Variants in AUTS2 observed in about 807,000 individuals in gnomAD.
AUTS2 encodes the protein activator of transcription and developmental regulator AUTS2.
A neutral mutation model predicts 112.4 loss-of-function variants in AUTS2; 17 were observed. The observed-to-expected ratio is 0.15, with a 90% CI of 0.10 to 0.23. AUTS2 has a LOEUF of 0.23. AUTS2 is among the 10% of genes least tolerant of loss of function. The pLI, the probability that AUTS2 is intolerant of heterozygous loss-of-function variation, is 1.00. For synonymous variants in AUTS2, 751 were observed against 702.7 expected, an observed-to-expected ratio of 1.07 and a Z score of -1.09; for missense variants, 1,510 against 1,701.6, an observed-to-expected ratio of 0.89 and a Z score of 1.98.
chr7:70,388,316 G>T (rs1429547329), intron 4 of AUTS2, among the ~76,000 whole-genome samples: 4 of 152,126 alleles, frequency 2.6e-5, no homozygotes, highest in African/African-American at 9.7e-5. Context: ...GTCTTATCCA[G>T]TCCCGCCTTG....
At chr7:70,580,851 C>T (rs1004517377) in intron 5 of AUTS2, among the ~76,000 whole-genome samples, 28 of 152,064 alleles carry the variant, frequency 1.8e-4, no homozygotes, top group Admixed American at 2.6e-4. Flanking sequence ...CCCAGGAGTC[C>T]GCTGAAAATG....
intron 1 of AUTS2, among the ~76,000 whole-genome samples, chr7:69,633,691 G>A (rs548196074): frequency 2.0e-5 from 3 of 152,244 alleles, no homozygotes; most frequent in South Asian, 4.2e-4. Flanking sequence ...GCATTTCCCT[G>A]ATGAGTAATG....
At chr7:70,459,062 C>A in intron 5 of AUTS2, among the ~76,000 whole-genome samples, 1 of 152,134 alleles carries the variant, frequency 6.6e-6, no homozygotes, top group Non-Finnish European at 1.5e-5. Flanking sequence ...TGTGTGGTTT[C>A]CCCGGGAGAG....
intron 1 of AUTS2, among the ~76,000 whole-genome samples, chr7:69,614,368 T>TTTTCTTTCTTTTCTTTC (rs1793239736): frequency 2.0e-3 from 39 of 19,474 alleles, no homozygotes; most frequent in South Asian, 3.5e-3. Context: ...TTCTTTCTTT[T>TTTTCTTTCTTTTCTTTC]TTTAAGAGAT....
intron 2 of AUTS2, among the ~76,000 whole-genome samples, chr7:69,920,313 G>C (rs773505181): frequency 3.6e-4 from 55 of 151,180 alleles, no homozygotes; most frequent in Non-Finnish European, 7.2e-4. Flanking sequence ...TTTTTTTAGA[G>C]AGGGGGTCTT....
At chr7:70,203,799 C>T (rs1326290511) in intron 4 of AUTS2, among the ~76,000 whole-genome samples, 2 of 149,142 alleles carry the variant, frequency 1.3e-5, no homozygotes, top group East Asian at 2.0e-4. Flanking sequence ...CATTTGTATC[C>T]CTTTGATTTT....
At chr7:69,628,001 C>T (rs909984330) in intron 1 of AUTS2, among the ~76,000 whole-genome samples, 13 of 152,054 alleles carry the variant, frequency 8.5e-5, no homozygotes, top group African/African-American at 2.4e-4. Context: ...TGATGAGGAG[C>T]GGAAAGATGT....
intron 4 of AUTS2, among the ~76,000 whole-genome samples, chr7:70,252,708 T>C (rs1398659705): frequency 1.3e-5 from 2 of 152,194 alleles, no homozygotes; most frequent in Non-Finnish European, 2.9e-5. Flanking sequence ...CCAGTAGTTT[T>C]ACAGTTTCAG....
At chr7:70,624,916 G>A (rs2129537252) in intron 5 of AUTS2, among the ~76,000 whole-genome samples, 1 of 152,262 alleles carries the variant, frequency 6.6e-6, no homozygotes. Context: ...TTCTCTGCCA[G>A]TGAGAGAGAA....
chr7:70,076,344 C>T (rs920242063), intron 2 of AUTS2, among the ~76,000 whole-genome samples: 2 of 152,118 alleles, frequency 1.3e-5, no homozygotes, highest in Non-Finnish European at 2.9e-5. Flanking sequence ...ACACTGCTAC[C>T]TTAAGCAAAA....
intron 5 of AUTS2, among the ~76,000 whole-genome samples, chr7:70,653,039 G>A (rs1806589998): frequency 6.6e-6 from 1 of 152,008 alleles, no homozygotes. Flanking sequence ...AGGATCACTT[G>A]AGCCCAGGAA....
At chr7:70,040,000 A>G (rs1354407387) in intron 2 of AUTS2, among the ~76,000 whole-genome samples, 2 of 152,184 alleles carry the variant, frequency 1.3e-5, no homozygotes, top group East Asian at 3.9e-4. Flanking sequence ...AGAAACAAAC[A>G]TCCAACTTTA....
intron 2 of AUTS2, among the ~76,000 whole-genome samples, chr7:70,083,699 C>A (rs542878729): frequency 1.7e-4 from 26 of 152,214 alleles, no homozygotes; most frequent in African/African-American, 6.0e-4. Context: ...GTAATCCCAG[C>A]ATTTTGGAAG....
intron 6 of AUTS2, among the ~76,000 whole-genome samples, chr7:70,712,751 A>G (rs970607228): frequency 1.8e-4 from 28 of 152,168 alleles, no homozygotes; most frequent in African/African-American, 6.8e-4. Context: ...ATCATACTCT[A>G]TTGCACAGGG....
chr7:70,009,917 C>G (rs999353161), intron 2 of AUTS2, among the ~76,000 whole-genome samples: 8 of 152,108 alleles, frequency 5.3e-5, no homozygotes, highest in African/African-American at 1.9e-4. Flanking sequence ...CTACCTTATC[C>G]ACTTTTAAAA....
chr7:69,878,265 C>T (rs1170201530), intron 1 of AUTS2, among the ~76,000 whole-genome samples: 1 of 152,090 alleles, frequency 6.6e-6, no homozygotes, highest in Non-Finnish European at 1.5e-5. Flanking sequence ...GTAGGAGAAC[C>T]CTAAGGTGGA....
chr7:70,524,983 T>C (rs1386306364), intron 5 of AUTS2, among the ~76,000 whole-genome samples: 1 of 152,174 alleles, frequency 6.6e-6, no homozygotes, highest in Non-Finnish European at 1.5e-5. Context: ...ATGATGGCAT[T>C]TTCATAAATC....
chr7:69,919,981 G>C (rs979815731), intron 2 of AUTS2, among the ~76,000 whole-genome samples: 2 of 145,478 alleles, frequency 1.4e-5, no homozygotes, highest in African/African-American at 5.1e-5. Flanking sequence ...ATTGAAAAAC[G>C]TAAATGAAGT....
At chr7:70,707,582 A>G (rs1809806653) in intron 6 of AUTS2, among the ~76,000 whole-genome samples, 1 of 152,160 alleles carries the variant, frequency 6.6e-6, no homozygotes, top group African/African-American at 2.4e-5. Context: ...ACCCTCAACA[A>G]GGGCTTCCCT....
Sources: allele counts gnomAD v4.1 joint callset (sites outside exome capture counted in the v4.1 genomes callset), GRCh38; gene constraint gnomAD v4.1.1; transcripts MANE v1.5; gene names NCBI Gene and HGNC (gene_info 2026-07-23, HGNC 2026-07-21).